ASB13: variants seen among roughly 807,000 people sequenced by gnomAD.
ASB13 encodes the protein ankyrin repeat and SOCS box protein 13.
A neutral mutation model predicts 28.8 loss-of-function variants in ASB13; 33 were observed. The observed-to-expected ratio is 1.15, with a 90% CI of 0.87 to 1.53. The LOEUF (loss-of-function observed/expected upper bound fraction) is 1.53. Ranked by LOEUF, ASB13 falls within the 40% of genes most tolerant of loss-of-function variation. The pLI is 0.00. For synonymous variants in ASB13, 182 were observed against 172.9 expected (o/e 1.05, Z -0.41); for missense variants, 414 against 390.1 (o/e 1.06, Z -0.52).
chr10:5,649,311 G>A lies in ASB13; in HGVS notation c.383-207C>T, dbSNP rs907236236. Among the ~76,000 whole-genome samples, 9 of 152,190 alleles carry A rather than the reference G, an allele frequency of 5.9e-5. No individual in the cohort carries two copies. Among genetic ancestry groups the A allele is most frequent in the African/African-American group, 2.2e-4 (9 of 41,444 alleles). On this transcript the variant is annotated intron_variant, in intron 3 of 5. Coordinates refer to ENST00000357700, the MANE Select transcript of ASB13 (RefSeq NM_024701.4). The surrounding 1 kb of genome is among the most constrained non-coding windows in gnomAD (Gnocchi z 6.4). Reference sequence around the variant, plus strand: ...GGCTCTGCGCCCCGCTGAGGACGGAGGGCTCAAGGCAGTGGGAGAAACGGG... The same window carrying A: ...GGCTCTGCGCCCCGCTGAGGACGGAAGGCTCAAGGCAGTGGGAGAAACGGG...
rs1431344072 is a variant in ASB13 at position 5,661,071 on chromosome 10, C to T, written c.43+5438G>A. ...TTTTCCCCCTAGGCAGCTGGTTTGC[C>T]AGTATCTCCTCAGTCATCCCAGAGC... On this transcript the variant is annotated intron_variant, in intron 1 of 5. Coordinates refer to ENST00000357700, the MANE Select transcript of ASB13 (RefSeq NM_024701.4). This position sits in a 1 kb window ranked among gnomAD's most constrained non-coding sequence, Gnocchi z 4.9. Among the ~76,000 whole-genome samples the T allele has an allele frequency of 6.6e-6, 1 of 152,200 alleles. No homozygotes were observed. Among genetic ancestry groups the T allele is most frequent in the Non-Finnish European group, 1.5e-5 (1 of 68,030 alleles).
chr10:5,640,913 A>G, intron 5 of ASB13, 83 bp from the exon 6 acceptor site: 1 of 1,530,430 alleles, frequency 6.5e-7, no homozygotes, highest in Non-Finnish European at 8.9e-7. Flanking sequence ...CTCAGAGGGA[A>G]TCGGAAACGC....
rs770663231 is a variant in ASB13, at chr10:5,644,180, C to T, written c.518-2219G>A. Among the ~76,000 whole-genome samples, 1 of 152,148 alleles carries T rather than the reference C, an allele frequency of 6.6e-6. No homozygotes were observed. Among genetic ancestry groups the T allele is most frequent in the Non-Finnish European group, 1.5e-5 (1 of 68,036 alleles). ...CAAGAAGAGAGTCAGAGATGAAACTCGATCAGCTATGTTCATTAAAAATAT... is the reference window on the plus strand; with the variant it reads ...CAAGAAGAGAGTCAGAGATGAAACTTGATCAGCTATGTTCATTAAAAATAT... On this transcript the variant is annotated intron_variant, in intron 4 of 5. Coordinates refer to ENST00000357700, the MANE Select transcript of ASB13 (RefSeq NM_024701.4). The surrounding 1 kb of genome is among the most constrained non-coding windows in gnomAD (Gnocchi z 5.1).
intron 1 of ASB13, among the ~76,000 whole-genome samples, chr10:5,657,287 A>G (rs1835088336): frequency 6.6e-6 from 1 of 152,186 alleles, no homozygotes; most frequent in Admixed American, 6.5e-5. Context: ...TATATCTGAA[A>G]AGGGGTTAGT....
Position 5,651,621 on chromosome 10 carries a change from C to T in ASB13, c.232-258G>A, listed in dbSNP as rs964505089. ...AGCTCAGCAGCCCCCTCGCCACCCC[C>T]GCCCCAAACACCTAGTAAGCACAGA... is the stretch of plus-strand genomic sequence containing the variant. On this transcript the variant is annotated intron_variant, in intron 2 of 5. Coordinates refer to ENST00000357700, the MANE Select transcript of ASB13 (RefSeq NM_024701.4). The surrounding 1 kb of genome is among the most constrained non-coding windows in gnomAD (Gnocchi z 5.1). The T allele has an allele frequency of 6.4e-5, 28 of 438,382 alleles. No individual in the cohort carries two copies. The highest frequency in any genetic ancestry group is 9.0e-5 in the Non-Finnish European group (22 of 243,246). The allele number at this position is 438,382 out of a possible 1,614,324, so 27.2% of individuals were successfully genotyped here. A position where few individuals can be genotyped will look rare whatever the true frequency, so the allele number is the denominator to read the frequency against.
intron 1 of ASB13, among the ~76,000 whole-genome samples, chr10:5,662,564 G>GGGAGA (rs1835187701): frequency 1.6e-4 from 3 of 19,140 alleles, no homozygotes; most frequent in South Asian, 2.6e-3. Flanking sequence ...GGGAGGGGAG[G>GGGAGA]GGAGAAGAGA....
Position 5,664,792 on chromosome 10 carries a change from T to C in ASB13, c.43+1717A>G, listed in dbSNP as rs1031196892. The stretch of plus-strand genomic sequence containing the variant: ...GCCTATCAGGTTCAAGTGATTCTCC[T>C]GCCTCAGCCTCCCCAGTAGCTGAGA... On this transcript the variant is annotated intron_variant, in intron 1 of 5. Coordinates refer to ENST00000357700, the MANE Select transcript of ASB13 (RefSeq NM_024701.4). This position sits in a 1 kb window ranked among gnomAD's most constrained non-coding sequence, Gnocchi z 4.2. 6.6e-6 allele frequency among the ~76,000 whole-genome samples: 1 copy of C among 152,202 alleles called. No individual in the cohort carries two copies. Among genetic ancestry groups the C allele is most frequent in the Non-Finnish European group, 1.5e-5 (1 of 68,034 alleles).
rs1834977865 is a variant in ASB13, at chr10:5,651,215, C to T, written c.380G>A (p.Ser127Asn). 3.1e-6 allele frequency: 5 copies of T among 1,605,058 alleles called. No homozygotes were observed. The highest frequency in any genetic ancestry group is 1.7e-4 in the Middle Eastern group (1 of 6,000). Reference sequence around the variant, plus strand: ...AGCCCAGCCGTCTGCCAACTCACCGCTCATGCAGGCCTCGTGCAGGGGGGA... The same window carrying T: ...AGCCCAGCCGTCTGCCAACTCACCGTTCATGCAGGCCTCGTGCAGGGGGGA... ...TASPLHEACM[S>N]GSSECVRLLI... is the part of the protein sequence containing the mutation. Residue 127 changes from serine (S) to asparagine (N), a missense_variant and splice_region_variant, in exon 3 of 6, where the codon AGC (serine) becomes AAC (asparagine). Transcript: ENST00000357700. This position sits in a 1 kb window ranked among gnomAD's most constrained non-coding sequence, Gnocchi z 5.1.
At position 5,640,478 on chromosome 10, in the gene ASB13, G is replaced by A. The variant is rs548263803; in HGVS notation, c.*225C>T. The A allele has an allele frequency of 8.9e-5, 49 of 549,414 alleles. No homozygotes were observed. The highest frequency in any genetic ancestry group is 1.0e-4 in the Non-Finnish European group (32 of 311,372). The allele number at this position is 549,414 out of a possible 1,614,324, so 34.0% of individuals were successfully genotyped here. On this transcript the variant is annotated 3_prime_UTR_variant, in exon 6 of 6. Coordinates refer to ENST00000357700, the MANE Select transcript of ASB13 (RefSeq NM_024701.4). ...GAGAGGGTAGGTTCTGTAGAACAGC[G>A]CAGGGCCACACCCACAACTGTGACC...
Position 5,651,637 on chromosome 10 carries a change from T to C in ASB13, c.232-274A>G. On this transcript the variant is annotated intron_variant, in intron 2 of 5. Coordinates refer to ENST00000357700, the MANE Select transcript of ASB13 (RefSeq NM_024701.4). This position sits in a 1 kb window ranked among gnomAD's most constrained non-coding sequence, Gnocchi z 5.1. ...CGCCACCCCCGCCCCAAACACCTAG[T>C]AAGCACAGAGCAGGACAGGGGAACC... The C allele has an allele frequency of 2.5e-6, 1 of 402,624 alleles. No individual in the cohort carries two copies. Among genetic ancestry groups the C allele is most frequent in the East Asian group, 5.4e-5 (1 of 18,506 alleles). The allele number at this position is 402,624 out of a possible 1,614,324, so 24.9% of individuals were successfully genotyped here. A position where few individuals can be genotyped will look rare whatever the true frequency, so the allele number is the denominator to read the frequency against.
chr10:5,652,061 CA>C lies in ASB13; in HGVS notation c.232-699del, dbSNP rs770008036. Among the ~76,000 whole-genome samples, 515 of 127,086 alleles carry C rather than the reference CA, an allele frequency of 4.1e-3. 1 individual carries two copies. Among genetic ancestry groups the C allele is most frequent in the Non-Finnish European group, 6.7e-3 (393 of 58,446 alleles). The allele number at this position is 127,086 out of a possible 152,430, so 83.4% of individuals were successfully genotyped here. A position where few individuals can be genotyped will look rare whatever the true frequency, so the allele number is the denominator to read the frequency against. Reference sequence around the variant, plus strand: ...ACACACACACACACACACACACACACAAAACTCTAACCTCAATGGAAGGAAT... The same window carrying C: ...ACACACACACACACACACACACACACAAACTCTAACCTCAATGGAAGGAAT... On this transcript the variant is annotated intron_variant, in intron 2 of 5. Transcript: ENST00000357700. The surrounding 1 kb of genome is among the most constrained non-coding windows in gnomAD (Gnocchi z 5.0).
At position 5,641,641 on chromosome 10, in the gene ASB13, G is replaced by A. The variant is rs1834808445; in HGVS notation, c.709+129C>T. On this transcript the variant is annotated intron_variant, in intron 5 of 5. Coordinates refer to ENST00000357700, the MANE Select transcript of ASB13 (RefSeq NM_024701.4). The surrounding 1 kb of genome is among the most constrained non-coding windows in gnomAD (Gnocchi z 8.4). ...GCCCCCGCAAAGTGCTTAAGGGTCT[G>A]TCCTAGCGCAGAGGACAGGAGCCAG... The A allele has an allele frequency of 6.8e-6, 7 of 1,022,906 alleles. No homozygotes were observed. The highest frequency in any genetic ancestry group is 9.8e-6 in the Non-Finnish European group (7 of 712,126). The allele number at this position is 1,022,906 out of a possible 1,614,324, so 63.4% of individuals were successfully genotyped here.
At position 5,644,634 on chromosome 10, in the gene ASB13, A is replaced by G. The variant is rs1183683923; in HGVS notation, c.518-2673T>C. On this transcript the variant is annotated intron_variant, in intron 4 of 5. Transcript: ENST00000357700. The surrounding 1 kb of genome is among the most constrained non-coding windows in gnomAD (Gnocchi z 5.1). The stretch of plus-strand genomic sequence containing the variant: ...GGAGTTCAAGACCAGCCTAGCCAAT[A>G]TGGTGAAACCTCGTCTCTACTAAAA... Among the ~76,000 whole-genome samples the G allele has an allele frequency of 6.6e-6, 1 of 152,148 alleles. No individual in the cohort carries two copies. The highest frequency in any genetic ancestry group is 2.4e-5 in the African/African-American group (1 of 41,426).
At chr10:5,643,437 G>C (rs1050600725) in intron 4 of ASB13, among the ~76,000 whole-genome samples, 1 of 152,188 alleles carries the variant, frequency 6.6e-6, no homozygotes. Context: ...GCCCTCCAAA[G>C]TGATGACATA....
chr10:5,644,325 C>T lies in ASB13; in HGVS notation c.518-2364G>A, dbSNP rs1834850751. 6.6e-6 allele frequency among the ~76,000 whole-genome samples: 1 copy of T among 152,132 alleles called. No individual in the cohort carries two copies. Among genetic ancestry groups the T allele is most frequent in the African/African-American group, 2.4e-5 (1 of 41,414 alleles). Reference sequence around the variant, plus strand: ...CCTGCGCAACATAGTGAGACCCTAGCTCTACAAAAATTTAAAAATTACCCG... The same window carrying T: ...CCTGCGCAACATAGTGAGACCCTAGTTCTACAAAAATTTAAAAATTACCCG... On this transcript the variant is annotated intron_variant, in intron 4 of 5. Coordinates refer to ENST00000357700, the MANE Select transcript of ASB13 (RefSeq NM_024701.4). This position sits in a 1 kb window ranked among gnomAD's most constrained non-coding sequence, Gnocchi z 5.1.
At position 5,639,119 on chromosome 10, in the gene ASB13, A is replaced by G. The variant is rs1834767242; in HGVS notation, c.*1584T>C. On this transcript the variant is annotated 3_prime_UTR_variant, in exon 6 of 6. Coordinates refer to ENST00000357700, the MANE Select transcript of ASB13 (RefSeq NM_024701.4). The stretch of plus-strand genomic sequence containing the variant: ...TCTCAGTTTAGGACGAAGACCCGCC[A>G]TGACAATGGCGGGAACGCTGGAGTA... 1 of 152,694 alleles carries G rather than the reference A, an allele frequency of 6.5e-6. No homozygotes were observed. Among genetic ancestry groups the G allele is most frequent in the Non-Finnish European group, 1.5e-5 (1 of 68,052 alleles). The allele number at this position is 152,694 out of a possible 1,614,324, so 9.5% of individuals were successfully genotyped here. A position where few individuals can be genotyped will look rare whatever the true frequency, so the allele number is the denominator to read the frequency against.
In ASB13 at chr10:5,649,768, C is replaced by T. The variant is rs1253848557; in HGVS notation, c.383-664G>A. Among the ~76,000 whole-genome samples, 3 of 152,064 alleles carry T rather than the reference C, an allele frequency of 2.0e-5. No individual in the cohort carries two copies. Among genetic ancestry groups the T allele is most frequent in the Non-Finnish European group, 4.4e-5 (3 of 68,004 alleles). ...CTCAAACTCCTGACCTCAGGTGATC[C>T]GCCCACCTCAGCCTCCCAAAGTGCT... On this transcript the variant is annotated intron_variant, in intron 3 of 5. Transcript: ENST00000357700. This position sits in a 1 kb window ranked among gnomAD's most constrained non-coding sequence, Gnocchi z 6.4.
Position 5,652,450 on chromosome 10 carries a change from C to T in ASB13, c.231+413G>A, listed in dbSNP as rs922638316. The stretch of plus-strand genomic sequence containing the variant: ...GTGGGAACATTTACACCAGGGAAAG[C>T]AGCAACACAGTTTTGTTTTTGTTCC... On this transcript the variant is annotated intron_variant, in intron 2 of 5. Transcript: ENST00000357700. This position sits in a 1 kb window ranked among gnomAD's most constrained non-coding sequence, Gnocchi z 5.0. Among the ~76,000 whole-genome samples the T allele has an allele frequency of 1.3e-5, 2 of 152,230 alleles. No homozygotes were observed. Among genetic ancestry groups the T allele is most frequent in the African/African-American group, 4.8e-5 (2 of 41,462 alleles).
At position 5,650,689 on chromosome 10, in the gene ASB13, G is replaced by C. The variant is rs1251824622; in HGVS notation, c.382+524C>G. Among the ~76,000 whole-genome samples, 1 of 152,236 alleles carries C rather than the reference G, an allele frequency of 6.6e-6. No individual in the cohort carries two copies. Among genetic ancestry groups the C allele is most frequent in the Non-Finnish European group, 1.5e-5 (1 of 68,038 alleles). On this transcript the variant is annotated intron_variant, in intron 3 of 5. Coordinates refer to ENST00000357700, the MANE Select transcript of ASB13 (RefSeq NM_024701.4). The surrounding 1 kb of genome is among the most constrained non-coding windows in gnomAD (Gnocchi z 6.0). ...CTTCTGATGCAGTAAGATAGGACAA[G>C]GAATGTTCCCCATGCTCGGGGTGCC... is the stretch of plus-strand genomic sequence containing the variant.
Sources: gnomAD v4.1 joint callset for allele counts (sites outside exome capture counted in the v4.1 genomes callset) on GRCh38, gnomAD v4.1.1 for gene constraint, Gnocchi (gnomAD v3.1) non-coding constraint, MANE v1.5 for transcripts, NCBI Gene and HGNC (gene_info 2026-07-23, HGNC 2026-07-21) for gene names.